The following DSCC1 variants were observed in gnomAD, a reference collection of about 807,000 sequenced individuals.
DSCC1 encodes the protein DNA replication and sister chromatid cohesion 1.
DSCC1 carries 32 observed loss-of-function variants against 48.2 expected under a neutral mutation model. The observed-to-expected ratio is 0.66, with a 90% CI of 0.50 to 0.89. The LOEUF is 0.89. Among genes scored for constraint, DSCC1 ranks in the 40% least tolerant of loss-of-function variants. The probability of loss-of-function intolerance (pLI) is 0.00; values close to 1 mark genes in which losing one functional copy is unlikely to be tolerated. For missense variants in DSCC1, 421 were observed against 471.7 expected (o/e 0.89, Z 1.00); for synonymous variants, 150 against 171.5 (o/e 0.87, Z 0.98).
intron 7 of DSCC1, chr8:119,840,524 G>T (rs1826751540): frequency 1.3e-5 from 2 of 152,340 alleles, no homozygotes; most frequent in African/African-American, 4.8e-5. Flanking sequence ...AAGGGAAGTA[G>T]CCAGAGATGA....
At chr8:119,846,000 A>G (rs1826850977) in intron 4 of DSCC1, among the ~76,000 whole-genome samples, 1 of 151,986 alleles carries the variant, frequency 6.6e-6, no homozygotes, top group South Asian at 2.1e-4. Context: ...GTTCTATGCC[A>G]TATGCTGTCA....
At chr8:119,850,682 G>T (rs1267272390) in intron 2 of DSCC1, among the ~76,000 whole-genome samples, 166 bp from the exon 3 acceptor site, 1 of 152,000 alleles carries the variant, frequency 6.6e-6, no homozygotes, top group South Asian at 2.1e-4. Flanking sequence ...TAGATGGATG[G>T]GCATCCTCAA....
chr8:119,849,041 T>C (rs11989053), intron 3 of DSCC1, among the ~76,000 whole-genome samples: 110,210 of 151,410 alleles, frequency 0.73, 41,335 homozygotes, highest in African/African-American at 0.91. Flanking sequence ...AAAAATTAGC[T>C]GGGCGCGGTG....
chr8:119,849,407 CAAACA>C (rs757092085), intron 3 of DSCC1, among the ~76,000 whole-genome samples: 7 of 151,994 alleles, frequency 4.6e-5, no homozygotes, highest in African/African-American at 7.3e-5. Context: ...ACTCCGTCTG[CAAACA>C]AAACAAAACA....
chr8:119,852,082 T>C (rs1826949426), intron 2 of DSCC1, among the ~76,000 whole-genome samples: 1 of 152,208 alleles, frequency 6.6e-6, no homozygotes, highest in Non-Finnish European at 1.5e-5. Context: ...TCACTGGAGC[T>C]TCCCAGCATT....
In DSCC1 at chr8:119,835,532, A is replaced by G. The variant is rs561666328; in HGVS notation, c.1074-531T>C. Among the ~76,000 whole-genome samples, 7 of 152,178 alleles carry G rather than the reference A, an allele frequency of 4.6e-5. No homozygotes were observed. In the South Asian group the frequency reaches 1.5e-3, roughly 32 times the overall value. Reference sequence around the variant, plus strand: ...AAAAAAACAAACAAAAAAAAAAGCAAAAAACAAAAACTAGAAATAATGTAT... The same window carrying G: ...AAAAAAACAAACAAAAAAAAAAGCAGAAAACAAAAACTAGAAATAATGTAT... On this transcript the variant is annotated intron_variant, in intron 8 of 8. Coordinates refer to ENST00000313655, the MANE Select transcript of DSCC1 (RefSeq NM_024094.3).
chr8:119,852,619 T>A (rs1477545920), intron 2 of DSCC1: 2 of 154,572 alleles, frequency 1.3e-5, no homozygotes, highest in Non-Finnish European at 2.9e-5. Flanking sequence ...CCTCCCAAAG[T>A]GCTAGGATTA....
At chr8:119,843,116 TTTA>T (rs1448820481) in intron 5 of DSCC1, among the ~76,000 whole-genome samples, 4 of 141,836 alleles carry the variant, frequency 2.8e-5, no homozygotes, top group Admixed American at 6.8e-5. Context: ...TTTGTTTTAT[TTTA>T]TTTTTTTTTT....
intron 8 of DSCC1, among the ~76,000 whole-genome samples, chr8:119,835,364 G>A (rs992395804): frequency 7.9e-5 from 12 of 151,948 alleles, no homozygotes; most frequent in African/African-American, 9.7e-5. Flanking sequence ...AAAATTAGCC[G>A]GGTGTGGTGG....
chr8:119,847,742 C>T (rs1242468997), intron 3 of DSCC1, among the ~76,000 whole-genome samples: 1 of 150,926 alleles, frequency 6.6e-6, no homozygotes, highest in Non-Finnish European at 1.5e-5. Context: ...CTTGGCTCAC[C>T]ACAACCTCTG....
intron 7 of DSCC1, 40 bp downstream of exon 7, chr8:119,841,754 T>A (rs1826772687): frequency 6.3e-7 from 1 of 1,594,550 alleles, no homozygotes; most frequent in African/African-American, 1.3e-5. Flanking sequence ...TAGTAATTAA[T>A]CAACTGTTGA....
chr8:119,838,120 C>G (rs1826712847), intron 8 of DSCC1, 139 bp downstream of exon 8: 2 of 855,160 alleles, frequency 2.3e-6, no homozygotes, highest in Non-Finnish European at 3.3e-6. Context: ...AGAAGACAGC[C>G]ACCACCTAAG....
intron 5 of DSCC1, among the ~76,000 whole-genome samples, chr8:119,843,125 T>A (rs140152609): frequency 0.1 from 15,646 of 151,196 alleles, 956 homozygotes; most frequent in South Asian, 0.24. Context: ...TTTTATTTTT[T>A]TTTTTTTTTT....
chr8:119,854,100 G>C (rs925108355), intron 1 of DSCC1, among the ~76,000 whole-genome samples: 1 of 152,128 alleles, frequency 6.6e-6, no homozygotes, highest in African/African-American at 2.4e-5. Flanking sequence ...TTAAGTCTCA[G>C]CTACTCAGGA....
intron 3 of DSCC1, among the ~76,000 whole-genome samples, chr8:119,848,188 C>A (rs1826889742): frequency 6.6e-6 from 1 of 152,068 alleles, no homozygotes; most frequent in African/African-American, 2.4e-5. Flanking sequence ...GTCTCAAACT[C>A]CTGGACTGAA....
At chr8:119,839,084 C>A (rs576088630) in intron 7 of DSCC1, 1 of 152,260 alleles carries the variant, frequency 6.6e-6, no homozygotes, top group South Asian at 2.1e-4. Context: ...CTTTAAATAT[C>A]TCTCCATCCC....
At chr8:119,843,819 C>A in intron 4 of DSCC1, 72 bp from the exon 5 acceptor site, 1 of 1,477,494 alleles carries the variant, frequency 6.8e-7, no homozygotes, top group East Asian at 2.3e-5. Context: ...CTCTGTCACC[C>A]AAGCTGGAGT....
Position 119,842,820 on chromosome 8 carries a change from A to G in DSCC1, c.725T>C (p.Ile242Thr), listed in dbSNP as rs1218508626. ...CCCATAACATTTAAGACAGTGTTCT[A>G]TCATTTCCCTGAAAAATTTAAAACA... Reference protein sequence around the residue: ...ELGPLEPEEMIEHCLKCYGKK... With the variant: ...ELGPLEPEEMTEHCLKCYGKK... The change falls in exon 6 of 9, where the codon ATA (isoleucine) becomes ACA (threonine). Residue 242 changes from isoleucine to threonine, a missense_variant. Transcript: ENST00000313655. 2 of 1,594,322 alleles carry G rather than the reference A, an allele frequency of 1.3e-6. No homozygotes were observed. Among genetic ancestry groups the G allele is most frequent in the Admixed American group, 1.8e-5 (1 of 54,794 alleles).
Position 119,847,688 on chromosome 8 carries a change from G to C in DSCC1, c.487-608C>G, listed in dbSNP as rs368214321. Among the ~76,000 whole-genome samples the C allele has an allele frequency of 2.0e-3, 285 of 143,706 alleles. 2 individuals carry two copies. Among genetic ancestry groups the C allele is most frequent in the African/African-American group, 6.1e-3 (235 of 38,656 alleles). The allele number at this position is 143,706 out of a possible 152,430, so 94.3% of individuals were successfully genotyped here. A position where few individuals can be genotyped will look rare whatever the true frequency, so the allele number is the denominator to read the frequency against. ...TTTTCTTTTTTTTTTTTTTTGAGAC[G>C]GAGTTTCGCTCTTGTTGCCCAGGCT... On this transcript the variant is annotated intron_variant, in intron 3 of 8. Coordinates refer to ENST00000313655, the MANE Select transcript of DSCC1 (RefSeq NM_024094.3).
Sources: gnomAD v4.1 joint callset for allele counts (sites outside exome capture counted in the v4.1 genomes callset) on GRCh38, gnomAD v4.1.1 for gene constraint, MANE v1.5 for transcripts, NCBI Gene and HGNC (gene_info 2026-07-23, HGNC 2026-07-21) for gene names.